CLSTN1: variants seen among roughly 807,000 people sequenced by gnomAD.
The protein encoded by CLSTN1 is calsyntenin-1.
CLSTN1 carries 28 observed loss-of-function variants against 108.3 expected under a neutral mutation model. The observed-to-expected ratio is 0.26, with a 90% CI of 0.19 to 0.35. The LOEUF (loss-of-function observed/expected upper bound fraction) is 0.35, where lower values mean the gene tolerates loss of function less well. Ranked by LOEUF, CLSTN1 falls within the 10% of genes least tolerant of loss-of-function variation. CLSTN1 has a pLI of 1.00. For missense variants in CLSTN1, 1,157 were observed against 1,302.6 expected (o/e 0.89, Z 1.72); for synonymous variants, 524 against 534.9 (o/e 0.98, Z 0.28).
At chr1:9,800,644 G>A (rs897575675) in intron 1 of CLSTN1, among the ~76,000 whole-genome samples, 5 of 149,262 alleles carry the variant, frequency 3.3e-5, no homozygotes, top group African/African-American at 4.9e-5. Context: ...GCAGGAGAAT[G>A]ACGTGAACCC....
rs550105127 is a variant in CLSTN1, at chr1:9,736,154, G to A, written c.1577-112C>T. The A allele has an allele frequency of 3.4e-4, 444 of 1,287,194 alleles. 3 individuals are homozygous for A. Among genetic ancestry groups the A allele is most frequent in the South Asian group, 2.7e-3 (210 of 77,946 alleles). The allele number at this position is 1,287,194 out of a possible 1,614,324, so 79.7% of individuals were successfully genotyped here. On this transcript the variant is annotated intron_variant, in intron 11 of 18. Transcript: ENST00000377298. ...CTGGCAGCTCAGTGGATGGACATGC[G>A]GGTTAGTTCATACCAAGTCCTGTTA...
intron 1 of CLSTN1, among the ~76,000 whole-genome samples, chr1:9,800,376 T>A (rs777398232): frequency 5.1e-4 from 77 of 151,286 alleles, no homozygotes; most frequent in Admixed American, 2.0e-3. Flanking sequence ...AAATTCCTAG[T>A]ATCAGAAATG....
intron 1 of CLSTN1, chr1:9,781,365 A>C (rs1653237331): frequency 2.1e-6 from 1 of 485,870 alleles, no homozygotes; most frequent in Non-Finnish European, 3.7e-6. Context: ...TTTTAAAAGA[A>C]TTATAAAACC....
chr1:9,781,426 T>C (rs1653240367), intron 1 of CLSTN1, among the ~76,000 whole-genome samples: 1 of 152,052 alleles, frequency 6.6e-6, no homozygotes. Flanking sequence ...CTATCAGATG[T>C]GTTTACATCA....
intron 4 of CLSTN1, 49 bp from the exon 5 acceptor site, chr1:9,751,730 A>T (rs778809077): frequency 6.6e-7 from 1 of 1,506,580 alleles, no homozygotes; most frequent in South Asian, 1.1e-5. Flanking sequence ...TTTCAGTGTG[A>T]GAGAGAGACA....
chr1:9,784,996 C>CTTTT (rs549145155), intron 1 of CLSTN1, among the ~76,000 whole-genome samples: 2 of 133,466 alleles, frequency 1.5e-5, no homozygotes, highest in Admixed American at 7.7e-5. Context: ...GTCATAAATT[C>CTTTT]TTTTTTTTTT....
chr1:9,785,955 C>T (rs568523332), intron 1 of CLSTN1, among the ~76,000 whole-genome samples: 4 of 151,940 alleles, frequency 2.6e-5, no homozygotes, highest in South Asian at 2.1e-4. Context: ...GTGGGTGGAT[C>T]GCTTGAGTTC....
At chr1:9,793,761 T>C (rs1171458501) in intron 1 of CLSTN1, among the ~76,000 whole-genome samples, 2 of 151,528 alleles carry the variant, frequency 1.3e-5, no homozygotes, top group African/African-American at 4.8e-5. Context: ...TCTTGTGTTT[T>C]AGCATGAGCC....
chr1:9,749,601 G>A lies in CLSTN1; in HGVS notation c.845C>T (p.Ala282Val). ...CTCCAGGTGGATATTTGGAAAGACG[G>A]CCAACGCGCCGGTGCCCGGCTCATA... Reference protein sequence around the residue: ...IEYEPGTGALAVFPNIHLETC... With the variant: ...IEYEPGTGALVVFPNIHLETC... Residue 282 changes from alanine (A) to valine (V), a missense_variant, in exon 7 of 19, where the codon GCC (alanine) becomes GTC (valine). Physicochemically the swap from Ala to Val is moderately conservative, Grantham distance 64. Transcript: ENST00000377298. 1 of 1,614,228 alleles carries A rather than the reference G, an allele frequency of 6.2e-7. No homozygotes were observed. Among genetic ancestry groups the A allele is most frequent in the Non-Finnish European group, 8.5e-7 (1 of 1,180,032 alleles).
At chr1:9,784,172 C>CAAAAAAA (rs34315931) in intron 1 of CLSTN1, among the ~76,000 whole-genome samples, 1 of 83,710 alleles carries the variant, frequency 1.2e-5, no homozygotes. Context: ...AACTCTATCT[C>CAAAAAAA]AAAAAAAAAA....
intron 1 of CLSTN1, among the ~76,000 whole-genome samples, chr1:9,801,849 C>A (rs994180491): frequency 2.0e-5 from 3 of 152,198 alleles, no homozygotes; most frequent in African/African-American, 4.8e-5. Context: ...AGCCACCACG[C>A]CCGGCCTCGG....
intron 1 of CLSTN1, among the ~76,000 whole-genome samples, chr1:9,787,385 T>C (rs1653544924): frequency 6.6e-6 from 1 of 151,106 alleles, no homozygotes; most frequent in African/African-American, 2.4e-5. Flanking sequence ...TTTTGAAAGC[T>C]TAAAGTGAGC....
intron 2 of CLSTN1, 37 bp downstream of exon 2, chr1:9,773,235 C>T (rs778423405): frequency 6.2e-7 from 1 of 1,612,524 alleles, no homozygotes; most frequent in South Asian, 1.1e-5. Context: ...CTGACCAGGC[C>T]CGATTCATCA....
chr1:9,745,806 T>G (rs1651241726), intron 7 of CLSTN1, among the ~76,000 whole-genome samples: 1 of 135,048 alleles, frequency 7.4e-6, no homozygotes, highest in African/African-American at 2.8e-5. Flanking sequence ...GTCTCCTCTC[T>G]CGCCCAGGCT....
chr1:9,761,540 CAAAACATAAAAATATGAAAAATGGATG>C (rs1323152321), intron 2 of CLSTN1, among the ~76,000 whole-genome samples: 5 of 151,992 alleles, frequency 3.3e-5, no homozygotes, highest in Non-Finnish European at 2.9e-5. Context: ...ATTTTTAAAG[CAAAACATAAAAATATGAAAAATGGATG>C]AACCCAACAA....
In CLSTN1 at chr1:9,761,884, A is replaced by G. The variant is rs78209403; in HGVS notation, c.215-5374T>C. Among the ~76,000 whole-genome samples the G allele has an allele frequency of 6.4e-3, 981 of 152,316 alleles. 2 individuals are homozygous for G. Among genetic ancestry groups the G allele is most frequent in the South Asian group, 0.015 (71 of 4,826 alleles). The stretch of plus-strand genomic sequence containing the variant: ...TTAGCAAAAGGAAACTGATTGGAAA[A>G]CTATCAGGAACTCATGGAACTGACT... On this transcript the variant is annotated intron_variant, in intron 2 of 18. Coordinates refer to ENST00000377298, the MANE Select transcript of CLSTN1 (RefSeq NM_001009566.3).
intron 13 of CLSTN1, 122 bp from the exon 14 acceptor site, chr1:9,735,296 GAA>G: frequency 7.4e-7 from 1 of 1,359,802 alleles, no homozygotes; most frequent in Non-Finnish European, 1.0e-6. Flanking sequence ...GCCACTCCAG[GAA>G]CACACTTGCA....
intron 1 of CLSTN1, among the ~76,000 whole-genome samples, chr1:9,820,476 G>A (rs1363173539): frequency 6.6e-6 from 1 of 151,918 alleles, no homozygotes; most frequent in African/African-American, 2.4e-5. Context: ...ACAAGATCGC[G>A]CCATTGCACT....
chr1:9,777,217 C>CAAAA (rs1183664020), intron 1 of CLSTN1, among the ~76,000 whole-genome samples: 3 of 51,144 alleles, frequency 5.9e-5, no homozygotes, highest in East Asian at 1.1e-3. Context: ...GAGACTGTCT[C>CAAAA]AAAAAAAAAA....
Sources: allele counts gnomAD v4.1 joint callset (sites outside exome capture counted in the v4.1 genomes callset), GRCh38; gene constraint gnomAD v4.1.1; transcripts MANE v1.5; gene names NCBI Gene and HGNC (gene_info 2026-07-23, HGNC 2026-07-21).